Variants in TNRC6A observed in about 807,000 individuals in gnomAD.
TNRC6A encodes the protein trinucleotide repeat containing adaptor 6A.
In TNRC6A, 44 loss-of-function variants were observed where a neutral mutation model predicts 221.2. The observed-to-expected ratio is 0.20, with a 90% confidence interval of 0.16 to 0.26. TNRC6A has a LOEUF of 0.26. Among genes scored for constraint, TNRC6A ranks in the 10% least tolerant of loss-of-function variants. TNRC6A has a pLI of 1.00. For missense variants in TNRC6A, 2,199 were observed against 2,404.4 expected (o/e 0.91, Z 1.79); for synonymous variants, 847 against 838.5 (o/e 1.01, Z -0.18).
At position 24,712,923 on chromosome 16, in the gene TNRC6A, G is replaced by A. The variant is rs7192345; in HGVS notation, n.403-37803G>A. 0.011 allele frequency among the ~76,000 whole-genome samples: 1,015 copies of A among 96,644 alleles called. 17 individuals are homozygous for A. In the East Asian group the frequency reaches 0.11, roughly 11 times the overall value. The allele number at this position is 96,644 out of a possible 152,430, so 63.4% of individuals were successfully genotyped here. On this transcript the variant is annotated intron_variant and non_coding_transcript_variant, in intron 2 of 2. Coordinates refer to the TNRC6A transcript ENST00000566108. ...TATGTGCCACTGTGTGTGTGTGTGT[G>A]TGTGTGTGTGTGTGTGTGTGTGTGT...
At chr16:24,643,580 TTC>T (rs1355069635) in intron 2 of TNRC6A, among the ~76,000 whole-genome samples, 15 of 152,182 alleles carry the variant, frequency 9.9e-5, no homozygotes, top group African/African-American at 3.6e-4. Flanking sequence ...CTGCTTATTC[TTC>T]TGTTCGGAGG....
rs535134587 is a variant in TNRC6A, at chr16:24,640,112, C to A, written n.277-772C>A. 2.6e-5 allele frequency among the ~76,000 whole-genome samples: 4 copies of A among 152,176 alleles called. No homozygotes were observed. In the South Asian group the frequency reaches 8.3e-4, roughly 32 times the overall value. ...TTGAATAAAAGTACAAGATAATAGA[C>A]CAGCCAGCCAGGCATAGTGGCTCAC... On this transcript the variant is annotated intron_variant and non_coding_transcript_variant, in intron 1 of 2. Coordinates refer to the TNRC6A transcript ENST00000566108.
intron 5 of TNRC6A, among the ~76,000 whole-genome samples, chr16:24,787,473 A>G (rs1175901998): frequency 6.6e-6 from 1 of 152,248 alleles, no homozygotes; most frequent in Non-Finnish European, 1.5e-5. Flanking sequence ...GTTGTCAGAC[A>G]TAGTACTGAA....
chr16:24,791,520 C>G lies in TNRC6A; in HGVS notation c.2878C>G (p.Pro960Ala). ...CATTGTTGGATCTTGGGGAATCCCA[C>G]CAGCTACAGGCAAACCTCCTGGTAC... ...QDIVGSWGIP[P>A]ATGKPPGTGW... is the part of the protein sequence containing the mutation. Residue 960 changes from proline to alanine, a missense_variant, in exon 6 of 25, where the codon CCA becomes GCA. By Grantham distance (27) the Pro-to-Ala change is conservative (BLOSUM62 -1). This residue lies in a region of TNRC6A where 1,405 missense variants were observed against 1,400.2 expected (regional missense o/e 1.00). Transcript: ENST00000395799. The G allele has an allele frequency of 6.5e-7, 1 of 1,535,032 alleles. No individual in the cohort carries two copies. Among genetic ancestry groups the G allele is most frequent in the Non-Finnish European group, 8.7e-7 (1 of 1,145,402 alleles).
chr16:24,768,512 T>G (rs533263635), intron 4 of TNRC6A, among the ~76,000 whole-genome samples: 1 of 151,424 alleles, frequency 6.6e-6, no homozygotes, highest in African/African-American at 2.4e-5. Flanking sequence ...TACTTGAGAA[T>G]AACATTTTCT....
chr16:24,794,619 A>C lies in TNRC6A; in HGVS notation c.3428A>C (p.Glu1143Ala). Residue 1143 changes from glutamate to alanine, a missense_variant, in exon 8 of 25, where the codon GAG (glutamate) becomes GCG (alanine). Coordinates refer to ENST00000395799, the MANE Select transcript of TNRC6A (RefSeq NM_014494.4). ...LPGNRPTGWEEEEDVEIGMWN... is the reference protein window; with the variant it reads ...LPGNRPTGWEAEEDVEIGMWN... Reference sequence around the variant, plus strand: ...GGAAATCGCCCCACTGGCTGGGAAGAGGAAGAGGATGTGGAGATTGGAATG... The same window carrying C: ...GGAAATCGCCCCACTGGCTGGGAAGCGGAAGAGGATGTGGAGATTGGAATG... The C allele has an allele frequency of 6.8e-6, 11 of 1,614,080 alleles. No homozygotes were observed. Among genetic ancestry groups the C allele is most frequent in the Non-Finnish European group, 9.3e-6 (11 of 1,179,956 alleles).
upstream of TNRC6A, among the ~76,000 whole-genome samples, chr16:24,728,506 G>T (rs1460713391): frequency 6.6e-6 from 1 of 151,894 alleles, no homozygotes. Flanking sequence ...ACTTAGGTTA[G>T]AAAAAGGAGA....
At chr16:24,667,873 G>T (rs1243132657) in intron 2 of TNRC6A, among the ~76,000 whole-genome samples, 1 of 151,066 alleles carries the variant, frequency 6.6e-6, no homozygotes, top group Non-Finnish European at 1.5e-5. Context: ...AAAATTTTTT[G>T]AGTTAGCTGG....
intron 4 of TNRC6A, among the ~76,000 whole-genome samples, chr16:24,761,861 T>A (rs947622300): frequency 2.0e-5 from 3 of 152,128 alleles, no homozygotes; most frequent in Non-Finnish European, 2.9e-5. Flanking sequence ...GCATGTTGAT[T>A]GTACATTCAT....
At chr16:24,631,300 G>C (rs1170858705) in intron 1 of TNRC6A, among the ~76,000 whole-genome samples, 2 of 152,006 alleles carry the variant, frequency 1.3e-5, no homozygotes, top group African/African-American at 4.8e-5. Context: ...ATTCTCTTCA[G>C]TTTGCCTATC....
chr16:24,777,507 G>T, intron 5 of TNRC6A, 149 bp downstream of exon 5: 2 of 706,562 alleles, frequency 2.8e-6, no homozygotes, highest in South Asian at 2.0e-5. Flanking sequence ...TTATGAATGG[G>T]GAATCTTAGA....
At chr16:24,768,276 A>G (rs1410338570) in intron 4 of TNRC6A, among the ~76,000 whole-genome samples, 2 of 151,942 alleles carry the variant, frequency 1.3e-5, no homozygotes, top group Non-Finnish European at 2.9e-5. Context: ...CTAAAAACAC[A>G]AAAAATTAGC....
At chr16:24,776,495 A>T in intron 4 of TNRC6A, 1 of 985,454 alleles carries the variant, frequency 1.0e-6, no homozygotes, top group Non-Finnish European at 1.2e-6. Context: ...AAGATGAAAA[A>T]TAGAGACCAA....
chr16:24,711,873 C>T (rs2056212407), intron 2 of TNRC6A, among the ~76,000 whole-genome samples: 1 of 152,026 alleles, frequency 6.6e-6, no homozygotes, highest in Admixed American at 6.6e-5. Flanking sequence ...GTTGCCCGGG[C>T]TAGTCTCAAA....
chr16:24,755,418 G>A (rs929960186), intron 3 of TNRC6A, among the ~76,000 whole-genome samples: 3 of 152,230 alleles, frequency 2.0e-5, no homozygotes, highest in Non-Finnish European at 2.9e-5. Context: ...AGCCGCCAGC[G>A]CCACAGCAGC....
Position 24,750,792 on chromosome 16 carries a change from GA to G in TNRC6A, c.122del (p.Lys41ArgfsTer19). ...KKKKKDDKKK[K>X]EAAQKKATEQ... ...AAAAGAAAAAAGACGACAAGAAAAAGAAGGAAGCTGCTCAAAAGAAGGTAGT... is the reference window on the plus strand; with the variant it reads ...AAAAGAAAAAAGACGACAAGAAAAAGAGGAAGCTGCTCAAAAGAAGGTAGT... On this transcript the variant is annotated frameshift_variant, in exon 3 of 25. Coordinates refer to ENST00000395799, the MANE Select transcript of TNRC6A (RefSeq NM_014494.4). LOFTEE classifies it high-confidence loss of function. 6.4e-7 allele frequency: 1 copy of G among 1,563,490 alleles called. No individual in the cohort carries two copies.
intron 17 of TNRC6A, 46 bp from the exon 18 acceptor site, chr16:24,809,304 A>G (rs748357076): frequency 9.0e-6 from 13 of 1,440,992 alleles, no homozygotes; most frequent in Non-Finnish European, 1.2e-5. Flanking sequence ...TAGAAAGAAA[A>G]TGTGCTGTAT....
At chr16:24,788,599 C>T (rs920709849) in intron 5 of TNRC6A, among the ~76,000 whole-genome samples, 3 of 151,992 alleles carry the variant, frequency 2.0e-5, no homozygotes, top group Non-Finnish European at 4.4e-5. Context: ...TGGGTTGTTC[C>T]GTTATCCTAA....
chr16:24,789,966 C>A lies in TNRC6A; in HGVS notation c.1324C>A (p.Gln442Lys). ...SGTQKVSFSG[Q>K]PQNITTEMTG... ...TACACAGAAGGTTTCATTCAGTGGT[C>A]AACCTCAAAATATTACCACTGAAAT... The change falls in exon 6 of 25, where the codon CAA (glutamine) becomes AAA (lysine). Residue 442 changes from glutamine to lysine, a missense_variant. Gln to Lys is a moderately conservative substitution (Grantham distance 53, BLOSUM62 1). Around this residue, in one of 8 missense-constraint regions of TNRC6A, gnomAD observed 1,405 missense variants for 1,400.2 expected, o/e 1.00. Transcript: ENST00000395799. The A allele has an allele frequency of 6.2e-7, 1 of 1,614,030 alleles. No homozygotes were observed. Among genetic ancestry groups the A allele is most frequent in the South Asian group, 1.1e-5 (1 of 91,036 alleles).
Sources: gnomAD v4.1 joint callset for allele counts (sites outside exome capture counted in the v4.1 genomes callset) on GRCh38, gnomAD v4.1.1 for gene constraint, gnomAD v4.1.1 regional missense constraint, MANE v1.5 for transcripts, NCBI Gene and HGNC (gene_info 2026-07-23, HGNC 2026-07-21) for gene names.